Variants in CLVS1 observed in about 807,000 individuals in gnomAD.
CLVS1 encodes clavesin-1.
CLVS1 carries 10 observed loss-of-function variants against 33.1 expected under a neutral mutation model. The ratio of observed to expected loss-of-function variants is 0.30; its 90% CI spans 0.19 to 0.51. The LOEUF (loss-of-function observed/expected upper bound fraction) is 0.51, where lower values mean the gene tolerates loss of function less well. Among genes scored for constraint, CLVS1 ranks in the 20% least tolerant of loss-of-function variants. CLVS1 has a pLI of 0.97. For synonymous variants in CLVS1, 163 were observed against 166.1 expected, an observed-to-expected ratio of 0.98 and a Z score of 0.14; for missense variants, 343 against 433.4, an observed-to-expected ratio of 0.79 and a Z score of 1.85.
chr8:61,079,336 T>G (rs1347497166), intron 1 of CLVS1, among the ~76,000 whole-genome samples: 1 of 152,258 alleles, frequency 6.6e-6, no homozygotes, highest in African/African-American at 2.4e-5. Context: ...TTCTTTACTT[T>G]TCATATCTCA....
intron 1 of CLVS1, among the ~76,000 whole-genome samples, chr8:61,102,570 A>T (rs1805469895): frequency 6.6e-6 from 1 of 152,186 alleles, no homozygotes; most frequent in South Asian, 2.1e-4. Context: ...CCTCATTTTC[A>T]ATCTGGCTGC....
At chr8:60,990,167 C>CGATGGAA in the CLVS1 span, among the ~76,000 whole-genome samples, 1 of 136,050 alleles carries the variant, frequency 7.4e-6, no homozygotes, top group Non-Finnish European at 1.6e-5. Flanking sequence ...GAGGAGGAAA[C>CGATGGAA]GATGGAATGA....
At chr8:61,213,500 T>C (rs950942530) in intron 2 of CLVS1, among the ~76,000 whole-genome samples, 1 of 150,344 alleles carries the variant, frequency 6.7e-6, no homozygotes, top group African/African-American at 2.5e-5. Context: ...ATTGTGAAGA[T>C]TTCATGGGCA....
intron 3 of CLVS1, among the ~76,000 whole-genome samples, chr8:61,438,215 T>C (rs539841149): frequency 1.5e-3 from 222 of 152,174 alleles, no homozygotes; most frequent in African/African-American, 5.2e-3. Flanking sequence ...TGTGTGTTGG[T>C]CCCCTCCCTG....
intron 2 of CLVS1, among the ~76,000 whole-genome samples, chr8:61,269,519 T>C (rs1423530217): frequency 2.0e-5 from 3 of 152,060 alleles, no homozygotes; most frequent in Admixed American, 6.6e-5. Flanking sequence ...TGGTTCCATA[T>C]GAACTTTAAA....
intron 2 of CLVS1, among the ~76,000 whole-genome samples, chr8:61,146,049 C>T (rs1316811784): frequency 1.3e-5 from 2 of 152,150 alleles, no homozygotes; most frequent in Admixed American, 6.5e-5. Flanking sequence ...AATGTGTCCT[C>T]CTTTGTTTCT....
chr8:61,224,397 G>C (rs1363334258), intron 2 of CLVS1, among the ~76,000 whole-genome samples: 1 of 152,102 alleles, frequency 6.6e-6, no homozygotes, highest in African/African-American at 2.4e-5. Context: ...TTTTCTGCTT[G>C]TTTGCTTTTC....
intron 1 of CLVS1, among the ~76,000 whole-genome samples, chr8:61,062,573 C>T (rs1160451023): frequency 6.6e-6 from 1 of 152,134 alleles, no homozygotes; most frequent in Non-Finnish European, 1.5e-5. Flanking sequence ...TGAGGGCTTG[C>T]TTTTGTTTTA....
chr8:61,294,721 T>A lies in CLVS1; in HGVS notation c.-151-4956T>A, dbSNP rs551918000. On this transcript the variant is annotated intron_variant, in intron 1 of 5. Coordinates refer to ENST00000325897, the MANE Select transcript of CLVS1 (RefSeq NM_173519.3). The stretch of plus-strand genomic sequence containing the variant: ...AGATGAGACATTGCTGATATAATTC[T>A]GACCTTTTCCTGATATATTGTATGT... Among the ~76,000 whole-genome samples, 4 of 148,292 alleles carry A rather than the reference T, an allele frequency of 2.7e-5. No homozygotes were observed. In the East Asian group the frequency reaches 9.1e-4, roughly 34 times the overall value.
chr8:61,249,373 A>G (rs1808886193), intron 2 of CLVS1, among the ~76,000 whole-genome samples: 2 of 152,212 alleles, frequency 1.3e-5, no homozygotes, highest in South Asian at 2.1e-4. Context: ...TAGTGCTGCA[A>G]TAAACATACA....
At chr8:61,403,375 A>T (rs537957684) in intron 3 of CLVS1, among the ~76,000 whole-genome samples, 50 of 152,298 alleles carry the variant, frequency 3.3e-4, no homozygotes, top group African/African-American at 1.2e-3. Flanking sequence ...GGATGATGCA[A>T]TCCAATTTGT....
chr8:61,082,787 G>A (rs1585596418), intron 1 of CLVS1, among the ~76,000 whole-genome samples: 1 of 152,274 alleles, frequency 6.6e-6, no homozygotes, highest in East Asian at 1.9e-4. Flanking sequence ...GCTCATGCCT[G>A]TAATCCCAGC....
intron 1 of CLVS1, among the ~76,000 whole-genome samples, chr8:61,072,866 A>C (rs2081948469): frequency 6.6e-6 from 1 of 152,254 alleles, no homozygotes. Context: ...AGTCTCTGGG[A>C]AAATCTAACT....
At chr8:61,119,884 G>A (rs1045323243) in intron 1 of CLVS1, among the ~76,000 whole-genome samples, 3 of 133,386 alleles carry the variant, frequency 2.2e-5, no homozygotes, top group Admixed American at 2.1e-4. Context: ...TATCTTTGTG[G>A]CGTTCTCTGT....
At chr8:61,271,568 C>G (rs1158199849) in intron 2 of CLVS1, among the ~76,000 whole-genome samples, 2 of 139,184 alleles carry the variant, frequency 1.4e-5, no homozygotes, top group Non-Finnish European at 3.0e-5. Context: ...CCTGGGTATC[C>G]TTGTTGACTT....
At chr8:61,417,957 A>T (rs1377240068) in intron 3 of CLVS1, among the ~76,000 whole-genome samples, 1 of 152,224 alleles carries the variant, frequency 6.6e-6, no homozygotes, top group Non-Finnish European at 1.5e-5. Context: ...GTCCCAGAGC[A>T]TTTCATGTTG....
chr8:61,219,900 T>C, intron 2 of CLVS1, among the ~76,000 whole-genome samples: 1 of 152,194 alleles, frequency 6.6e-6, no homozygotes, highest in East Asian at 1.9e-4. Flanking sequence ...TGATAATCAG[T>C]GATGTTGAGC....
chr8:61,270,392 G>A (rs1809411084), intron 2 of CLVS1, among the ~76,000 whole-genome samples: 1 of 152,162 alleles, frequency 6.6e-6, no homozygotes, highest in Admixed American at 6.5e-5. Context: ...TAAGCTTTTT[G>A]ATGTGCTGCT....
intron 2 of CLVS1, among the ~76,000 whole-genome samples, chr8:61,330,325 A>G (rs1811546851): frequency 6.6e-6 from 1 of 152,224 alleles, no homozygotes; most frequent in Non-Finnish European, 1.5e-5. Context: ...AAGGGGACAC[A>G]TGGCAGAAAA....
Sources: gnomAD v4.1 joint callset for allele counts (sites outside exome capture counted in the v4.1 genomes callset) on GRCh38, gnomAD v4.1.1 for gene constraint, MANE v1.5 for transcripts, NCBI Gene and HGNC (gene_info 2026-07-23, HGNC 2026-07-21) for gene names.